TTC28: variants seen among roughly 807,000 people sequenced by gnomAD.
TTC28 encodes tetratricopeptide repeat protein 28.
Under a neutral mutation model 198.0 loss-of-function variants are expected in TTC28, and 61 were observed. The ratio of observed to expected loss-of-function variants is 0.31; its 90% CI spans 0.25 to 0.38. The LOEUF (loss-of-function observed/expected upper bound fraction) is 0.38, where lower values mean the gene tolerates loss of function less well. Ranked by LOEUF, TTC28 falls within the 10% of genes least tolerant of loss-of-function variation. TTC28 has a pLI of 1.00. For missense variants in TTC28, 2,678 were observed against 3,164.0 expected (o/e 0.85, Z 3.69); for synonymous variants, 1,171 against 1,297.8 (o/e 0.90, Z 2.10).
chr22:28,266,264 TCTTAGTCCCGTTTTCCCTTCTGAC>T (rs1931678717), intron 5 of TTC28, among the ~76,000 whole-genome samples: 2 of 152,168 alleles, frequency 1.3e-5, no homozygotes, highest in South Asian at 4.1e-4. Flanking sequence ...TTCTAGTCAC[TCTTAGTCCCGTTTTCCCTTCTGAC>T]AACATGGACA....
chr22:28,243,965 G>T (rs1002376693), intron 5 of TTC28, among the ~76,000 whole-genome samples: 2 of 152,088 alleles, frequency 1.3e-5, no homozygotes, highest in African/African-American at 4.8e-5. Flanking sequence ...TGTCCTTATG[G>T]AGCTTAGATT....
intron 5 of TTC28, among the ~76,000 whole-genome samples, chr22:28,213,829 C>T (rs910416271): frequency 2.6e-5 from 4 of 152,084 alleles, no homozygotes; most frequent in South Asian, 2.1e-4. Context: ...CAAGTCAATC[C>T]TAAGCCAAAA....
chr22:28,618,343 G>A (rs1235852917), intron 2 of TTC28, among the ~76,000 whole-genome samples: 1 of 151,898 alleles, frequency 6.6e-6, no homozygotes, highest in African/African-American at 2.4e-5. Flanking sequence ...ATTTTTTATA[G>A]AGCAAAAGTT....
At chr22:28,485,505 T>C (rs2048304616) in intron 2 of TTC28, among the ~76,000 whole-genome samples, 1 of 152,170 alleles carries the variant, frequency 6.6e-6, no homozygotes, top group South Asian at 2.1e-4. Flanking sequence ...AATATATTCA[T>C]GCCAATTCTC....
At chr22:28,624,447 A>C (rs1250316667) in intron 2 of TTC28, among the ~76,000 whole-genome samples, 2 of 152,144 alleles carry the variant, frequency 1.3e-5, no homozygotes, top group Admixed American at 1.3e-4. Context: ...AAGGATAATA[A>C]AGGAATATTA....
intron 5 of TTC28, among the ~76,000 whole-genome samples, chr22:28,248,330 G>A (rs934834812): frequency 6.6e-6 from 1 of 152,076 alleles, no homozygotes; most frequent in Non-Finnish European, 1.5e-5. Flanking sequence ...GCCAGGCTGG[G>A]GGCTGAATTT....
intron 2 of TTC28, among the ~76,000 whole-genome samples, chr22:28,308,757 T>A (rs980756452): frequency 3.3e-5 from 5 of 152,180 alleles, no homozygotes; most frequent in Admixed American, 6.6e-5. Context: ...TTGGTTTCCT[T>A]TCTTCAAGAA....
intron 2 of TTC28, among the ~76,000 whole-genome samples, chr22:28,496,872 C>G (rs2048462706): frequency 6.6e-6 from 1 of 152,168 alleles, no homozygotes; most frequent in South Asian, 2.1e-4. Context: ...TCCTCCTCCT[C>G]ACTTGCTCCA....
chr22:28,061,801 C>T (rs982597864), intron 12 of TTC28, among the ~76,000 whole-genome samples: 9 of 152,142 alleles, frequency 5.9e-5, no homozygotes, highest in Admixed American at 2.6e-4. Flanking sequence ...CTATAAATTA[C>T]CTTGGGCAGT....
chr22:28,473,423 T>TC (rs2048123383), intron 2 of TTC28, among the ~76,000 whole-genome samples: 1 of 152,094 alleles, frequency 6.6e-6, no homozygotes, highest in African/African-American at 2.4e-5. Context: ...AAAACACCTC[T>TC]CCATAAGACA....
chr22:28,379,618 T>C (rs1156771152), intron 2 of TTC28, among the ~76,000 whole-genome samples: 1 of 152,060 alleles, frequency 6.6e-6, no homozygotes, highest in Non-Finnish European at 1.5e-5. Context: ...TGCCAGAAGT[T>C]GAGGGGAGGG....
At chr22:28,096,558 C>G (rs1941980674) in intron 10 of TTC28, 150 bp from the exon 11 acceptor site, 1 of 842,030 alleles carries the variant, frequency 1.2e-6, no homozygotes, top group East Asian at 2.7e-5. Flanking sequence ...GCTTCAGATT[C>G]AATTCCCTGC....
intron 12 of TTC28, among the ~76,000 whole-genome samples, chr22:28,085,710 G>C (rs986772828): frequency 6.6e-6 from 1 of 152,020 alleles, no homozygotes; most frequent in Admixed American, 6.6e-5. Flanking sequence ...AAAAGACACA[G>C]ACTGGCAAAT....
chr22:28,675,053 G>A (rs962191263), intron 1 of TTC28, among the ~76,000 whole-genome samples: 1 of 152,070 alleles, frequency 6.6e-6, no homozygotes, highest in Admixed American at 6.5e-5. Flanking sequence ...TACACATCAA[G>A]AGAACAGAAC....
At chr22:28,012,190 G>C (rs1938190071) in intron 14 of TTC28, among the ~76,000 whole-genome samples, 1 of 152,216 alleles carries the variant, frequency 6.6e-6, no homozygotes, top group Admixed American at 6.5e-5. Flanking sequence ...CTTCCTCCAA[G>C]GTATGGCACA....
intron 2 of TTC28, among the ~76,000 whole-genome samples, chr22:28,570,063 A>T (rs2050037479): frequency 6.6e-6 from 1 of 152,216 alleles, no homozygotes; most frequent in Admixed American, 6.5e-5. Context: ...ACAGACGTTG[A>T]CGAGGCTGCA....
chr22:28,433,139 A>G (rs2047457622), intron 2 of TTC28, among the ~76,000 whole-genome samples: 1 of 152,214 alleles, frequency 6.6e-6, no homozygotes, highest in South Asian at 2.1e-4. Flanking sequence ...GCATTTTCCT[A>G]TGATTTTTAA....
chr22:28,166,314 C>G (rs1000124549), intron 5 of TTC28, among the ~76,000 whole-genome samples: 2 of 152,282 alleles, frequency 1.3e-5, no homozygotes, highest in African/African-American at 2.4e-5. Flanking sequence ...CAGCTCTGCA[C>G]CAAGCGGACC....
intron 2 of TTC28, among the ~76,000 whole-genome samples, chr22:28,364,419 G>A (rs181672318): frequency 9.9e-4 from 150 of 152,210 alleles, no homozygotes; most frequent in Non-Finnish European, 1.1e-3. Context: ...ATCTTTATCA[G>A]CAGCGTGAAA....
Sources: gnomAD v4.1 joint callset for allele counts (sites outside exome capture counted in the v4.1 genomes callset) on GRCh38, gnomAD v4.1.1 for gene constraint, MANE v1.5 for transcripts, NCBI Gene and HGNC (gene_info 2026-07-23, HGNC 2026-07-21) for gene names.